The following OPCML variants were observed in gnomAD, a reference collection of about 807,000 sequenced individuals.
The protein encoded by OPCML is opioid binding protein/cell adhesion molecule like.
A neutral mutation model predicts 37.8 loss-of-function variants in OPCML; 13 were observed. The ratio of observed to expected loss-of-function variants is 0.34; its 90% CI spans 0.22 to 0.55. The LOEUF (loss-of-function observed/expected upper bound fraction) is 0.55, where lower values mean the gene tolerates loss of function less well. Among genes scored for constraint, OPCML ranks in the 20% least tolerant of loss-of-function variants. The pLI is 0.91. For missense variants in OPCML, 341 were observed against 435.6 expected (o/e 0.78, Z 1.93); for synonymous variants, 176 against 168.8 (o/e 1.04, Z -0.33).
chr11:133,492,533 A>G, intron 1 of OPCML, among the ~76,000 whole-genome samples: 1 of 152,144 alleles, frequency 6.6e-6, no homozygotes, highest in Non-Finnish European at 1.5e-5. Context: ...TTTTTTAATA[A>G]CAAAGTAAGA....
chr11:132,842,133 C>G (rs1489157065), intron 2 of OPCML, among the ~76,000 whole-genome samples: 1 of 152,158 alleles, frequency 6.6e-6, no homozygotes, highest in Non-Finnish European at 1.5e-5. Flanking sequence ...TTCCCTCAAT[C>G]AAGGTCCTTC....
At chr11:133,402,152 A>G (rs557969083) in intron 1 of OPCML, among the ~76,000 whole-genome samples, 1 of 152,272 alleles carries the variant, frequency 6.6e-6, no homozygotes, top group African/African-American at 2.4e-5. Context: ...GGTTGGGGGC[A>G]TGCATTTGGT....
At chr11:133,141,101 A>G (rs11825828) in intron 1 of OPCML, among the ~76,000 whole-genome samples, 1 of 139,816 alleles carries the variant, frequency 7.2e-6, no homozygotes, top group African/African-American at 2.6e-5. Context: ...GAAGGAGAAG[A>G]AGAAGCAGCT....
At chr11:132,858,938 A>T (rs976968043) in intron 2 of OPCML, among the ~76,000 whole-genome samples, 6 of 152,178 alleles carry the variant, frequency 3.9e-5, no homozygotes, top group Non-Finnish European at 8.8e-5. Flanking sequence ...TATACTTGGA[A>T]ATCAGAAGAG....
chr11:132,909,148 C>A (rs1292239432), intron 2 of OPCML, among the ~76,000 whole-genome samples: 2 of 152,300 alleles, frequency 1.3e-5, no homozygotes, highest in African/African-American at 2.4e-5. Flanking sequence ...CCCTTGGCCA[C>A]CCAAGTGAAC....
intron 1 of OPCML, among the ~76,000 whole-genome samples, chr11:133,051,212 T>C (rs1948125344): frequency 6.6e-6 from 1 of 152,230 alleles, no homozygotes; most frequent in African/African-American, 2.4e-5. Flanking sequence ...CCCACACATA[T>C]TGATTTCTCT....
intron 2 of OPCML, among the ~76,000 whole-genome samples, chr11:132,810,567 T>G (rs938601067): frequency 6.6e-6 from 1 of 152,132 alleles, no homozygotes; most frequent in African/African-American, 2.4e-5. Context: ...GGCGAGTGCC[T>G]ATAATCCCTG....
At chr11:133,492,719 A>T (rs982061700) in intron 1 of OPCML, among the ~76,000 whole-genome samples, 9 of 152,056 alleles carry the variant, frequency 5.9e-5, no homozygotes, top group Non-Finnish European at 1.2e-4. Flanking sequence ...TGCCAAAAAA[A>T]AAAAAAAGTT....
chr11:133,006,647 A>T, intron 1 of OPCML: 4 of 985,400 alleles, frequency 4.1e-6, no homozygotes, highest in Non-Finnish European at 3.6e-6. Context: ...CACCATCTGG[A>T]AGGTGGTCAG....
intron 3 of OPCML, among the ~76,000 whole-genome samples, chr11:132,530,087 A>G (rs950843125): frequency 2.6e-5 from 4 of 152,196 alleles, no homozygotes; most frequent in African/African-American, 9.6e-5. Context: ...TTTAGGTGAA[A>G]TAATGGCTTA....
rs1438594046 is a variant in OPCML, at chr11:132,680,375, A to G, written c.147-23056T>C. On this transcript the variant is annotated intron_variant, in intron 2 of 7. Coordinates refer to ENST00000524381, the MANE Select transcript of OPCML (RefSeq NM_001012393.5). ...ATAAAGGAGTAACACAAAGGGCAGGAAATCTCTCCCAGATTGGAGAGAAAC... is the reference window on the plus strand; with the variant it reads ...ATAAAGGAGTAACACAAAGGGCAGGGAATCTCTCCCAGATTGGAGAGAAAC... Among the ~76,000 whole-genome samples, 3 of 152,332 alleles carry G rather than the reference A, an allele frequency of 2.0e-5. No homozygotes were observed. In the East Asian group the frequency reaches 5.8e-4, roughly 29 times the overall value.
At chr11:132,919,548 C>T (rs1944718822) in intron 2 of OPCML, among the ~76,000 whole-genome samples, 1 of 152,126 alleles carries the variant, frequency 6.6e-6, no homozygotes, top group Non-Finnish European at 1.5e-5. Flanking sequence ...GTGTTGGGTG[C>T]CAGGGCGATT....
At chr11:132,638,940 G>A (rs1436787972) in intron 3 of OPCML, among the ~76,000 whole-genome samples, 1 of 152,188 alleles carries the variant, frequency 6.6e-6, no homozygotes, top group Non-Finnish European at 1.5e-5. Context: ...CATAGTCTCA[G>A]TGAACTGGTT....
rs534826283 is a variant in OPCML, at chr11:132,619,403, C to T, written c.379+37684G>A. Among the ~76,000 whole-genome samples, 7 of 152,196 alleles carry T rather than the reference C, an allele frequency of 4.6e-5. 1 individual carries two copies. The South Asian group carries it at 1.5e-3, about 32-fold the overall frequency. ...ATGTTCACTATTTTATTTCTAGTAC[C>T]AAACACAGTGCCTAGTGTATGGTAG... On this transcript the variant is annotated intron_variant, in intron 3 of 7. Coordinates refer to ENST00000524381, the MANE Select transcript of OPCML (RefSeq NM_001012393.5).
intron 1 of OPCML, among the ~76,000 whole-genome samples, chr11:133,488,071 C>T (rs908876210): frequency 1.2e-4 from 18 of 152,078 alleles, no homozygotes; most frequent in African/African-American, 4.3e-4. Context: ...AGCATCCATT[C>T]ATGATAAACA....
At chr11:133,429,449 G>C (rs1055765129) in intron 1 of OPCML, among the ~76,000 whole-genome samples, 10 of 152,318 alleles carry the variant, frequency 6.6e-5, no homozygotes, top group African/African-American at 2.4e-4. Context: ...GAAGGCACGG[G>C]ACAGAGGCAT....
chr11:132,755,465 A>C lies in OPCML; in HGVS notation c.147-98146T>G, dbSNP rs577226209. Among the ~76,000 whole-genome samples, 9 of 152,318 alleles carry C rather than the reference A, an allele frequency of 5.9e-5. No individual in the cohort carries two copies. The South Asian group carries it at 1.9e-3, about 32-fold the overall frequency. ...CCTGATTTATTCAAACTTGGATCCT[A>C]TCAAGAACCATATATTGCACGTGGT... On this transcript the variant is annotated intron_variant, in intron 2 of 7. Coordinates refer to ENST00000524381, the MANE Select transcript of OPCML (RefSeq NM_001012393.5).
intron 1 of OPCML, among the ~76,000 whole-genome samples, chr11:133,516,366 C>A (rs1948272541): frequency 6.6e-6 from 1 of 152,142 alleles, no homozygotes; most frequent in East Asian, 1.9e-4. Context: ...TTCGGAGAGC[C>A]ACATCCGAGG....
At chr11:133,063,374 G>A (rs899188412) in intron 1 of OPCML, among the ~76,000 whole-genome samples, 3 of 152,170 alleles carry the variant, frequency 2.0e-5, no homozygotes, top group Non-Finnish European at 2.9e-5. Context: ...GGAAAGCCAC[G>A]TTGTGCTCTT....
Sources: allele counts gnomAD v4.1 joint callset (sites outside exome capture counted in the v4.1 genomes callset), GRCh38; gene constraint gnomAD v4.1.1; transcripts MANE v1.5; gene names NCBI Gene and HGNC (gene_info 2026-07-23, HGNC 2026-07-21).